C1orf198: variants seen among roughly 807,000 people sequenced by gnomAD.
The protein encoded by C1orf198 is uncharacterized protein C1orf198.
A neutral mutation model predicts 31.4 loss-of-function variants in C1orf198; 17 were observed. The ratio of observed to expected loss-of-function variants is 0.54; its 90% confidence interval spans 0.37 to 0.81. The LOEUF (loss-of-function observed/expected upper bound fraction) is 0.81, where lower values mean the gene tolerates loss of function less well. Ranked by LOEUF, C1orf198 falls within the 40% of genes least tolerant of loss-of-function variation. The pLI is 0.00. For synonymous variants in C1orf198, 175 were observed against 193.8 expected, an observed-to-expected ratio of 0.90 and a Z score of 0.81; for missense variants, 401 against 450.3, an observed-to-expected ratio of 0.89 and a Z score of 0.99.
Position 230,843,290 on chromosome 1 carries a change from C to T in C1orf198, c.927+64G>A. ...GTGGCCTGCCTGCTTTGTGGGGGAC[C>T]CTCTCGGTTCCCGTGGAATAAGGCA... On this transcript the variant is annotated intron_variant, in intron 3 of 3. Coordinates refer to ENST00000366663, the MANE Select transcript of C1orf198 (RefSeq NM_032800.3). This position sits in a 1 kb window ranked among gnomAD's most constrained non-coding sequence, Gnocchi z 4.9. 1 of 1,513,678 alleles carries T rather than the reference C, an allele frequency of 6.6e-7. No homozygotes were observed. Among genetic ancestry groups the T allele is most frequent in the Non-Finnish European group, 8.9e-7 (1 of 1,125,826 alleles). The allele number at this position is 1,513,678 out of a possible 1,614,324, so 93.8% of individuals were successfully genotyped here.
chr1:230,847,016 T>C (rs11804892), intron 2 of C1orf198, among the ~76,000 whole-genome samples: 10,016 of 143,682 alleles, frequency 0.07, 1,059 homozygotes, highest in African/African-American at 0.25. Flanking sequence ...GGCAGGAGAA[T>C]GGCGTGAACC....
chr1:230,842,384 T>C (rs1238257736), intron 3 of C1orf198, among the ~76,000 whole-genome samples: 1 of 152,196 alleles, frequency 6.6e-6, no homozygotes, highest in Non-Finnish European at 1.5e-5. Context: ...AACTGTGGTA[T>C]ATATATACGA....
chr1:230,851,954 C>G (rs932299943), intron 2 of C1orf198, among the ~76,000 whole-genome samples: 1 of 152,308 alleles, frequency 6.6e-6, no homozygotes, highest in Admixed American at 6.5e-5. Context: ...GGGTGAGAAA[C>G]CAAAAATCCC....
At chr1:230,845,538 C>A (rs1169052457) in intron 2 of C1orf198, among the ~76,000 whole-genome samples, 6 of 152,036 alleles carry the variant, frequency 3.9e-5, no homozygotes, top group Non-Finnish European at 8.8e-5. Flanking sequence ...CAAAATTAGC[C>A]AGGCGTGGTG....
chr1:230,837,399 A>G lies in C1orf198; in HGVS notation c.*2453T>C, dbSNP rs1030574812. The G allele has an allele frequency of 1.3e-5, 2 of 152,242 alleles. No individual in the cohort carries two copies. The highest frequency in any genetic ancestry group is 4.8e-5 in the African/African-American group (2 of 41,456). The allele number at this position is 152,242 out of a possible 1,614,324, so 9.4% of individuals were successfully genotyped here. ...GCTGATTTCTTGGGGGAACTTTTGT[A>G]AAAATGAAGACACTGAATCCTTGAG... On this transcript the variant is annotated 3_prime_UTR_variant, in exon 4 of 4. Coordinates refer to ENST00000366663, the MANE Select transcript of C1orf198 (RefSeq NM_032800.3).
chr1:230,851,264 G>A (rs1572132956), intron 2 of C1orf198, among the ~76,000 whole-genome samples: 1 of 152,138 alleles, frequency 6.6e-6, no homozygotes, highest in African/African-American at 2.4e-5. Flanking sequence ...AAGGAAGGGG[G>A]TAGCCAGAAA....
chr1:230,852,388 A>G (rs1202566), intron 2 of C1orf198, among the ~76,000 whole-genome samples: 104,183 of 151,990 alleles, frequency 0.69, 36,001 homozygotes, highest in South Asian at 0.79. Context: ...GGTGGCTGCC[A>G]TGGGCTAGTG....
intron 2 of C1orf198, among the ~76,000 whole-genome samples, chr1:230,844,828 A>G (rs769995415): frequency 4.6e-5 from 7 of 152,196 alleles, no homozygotes; most frequent in Non-Finnish European, 8.8e-5. Context: ...CTGAGCACCC[A>G]CAAAATGCTT....
rs1034916749 is a variant in C1orf198 at position 230,837,610 on chromosome 1, C to A, written c.*2242G>T. On this transcript the variant is annotated 3_prime_UTR_variant, in exon 4 of 4. Coordinates refer to ENST00000366663, the MANE Select transcript of C1orf198 (RefSeq NM_032800.3). Reference sequence around the variant, plus strand: ...AGAAACCATCTTCGCATAGACTTTGCCCAAGGTGTAGAGGAAGATCTGCCG... The same window carrying A: ...AGAAACCATCTTCGCATAGACTTTGACCAAGGTGTAGAGGAAGATCTGCCG... 6.6e-6 allele frequency: 1 copy of A among 152,282 alleles called. No individual in the cohort carries two copies. The highest frequency in any genetic ancestry group is 6.5e-5 in the Admixed American group (1 of 15,294). 9.4% of individuals were successfully genotyped at this position (152,282 alleles called of 1,614,324 possible). A position where few individuals can be genotyped will look rare whatever the true frequency, so the allele number is the denominator to read the frequency against.
chr1:230,860,091 T>C (rs1669974914), intron 1 of C1orf198, among the ~76,000 whole-genome samples: 1 of 152,170 alleles, frequency 6.6e-6, no homozygotes, highest in African/African-American at 2.4e-5. Context: ...AATATCTTGT[T>C]TAACTGCTGT....
intron 2 of C1orf198, among the ~76,000 whole-genome samples, chr1:230,846,679 T>C (rs530989279): frequency 1.3e-5 from 2 of 152,324 alleles, no homozygotes; most frequent in Non-Finnish European, 2.9e-5. Flanking sequence ...ATAAAACCCA[T>C]GGGCTGGACG....
At chr1:230,859,861 C>G (rs894628132) in intron 1 of C1orf198, among the ~76,000 whole-genome samples, 10 of 152,048 alleles carry the variant, frequency 6.6e-5, no homozygotes, top group African/African-American at 2.4e-4. Flanking sequence ...ATTTTTTGCT[C>G]ATAGTGCTGG....
In C1orf198 at chr1:230,839,510, A is replaced by C. The variant is rs1236502774; in HGVS notation, c.*342T>G. ...ATGGAGAAGGAGATGGAAATCACTT[A>C]TATGATTTTTGTGACATGGTTGAAA... On this transcript the variant is annotated 3_prime_UTR_variant, in exon 4 of 4. Coordinates refer to ENST00000366663, the MANE Select transcript of C1orf198 (RefSeq NM_032800.3). 4.1e-6 allele frequency: 1 copy of C among 243,940 alleles called. No individual in the cohort carries two copies. The highest frequency in any genetic ancestry group is 7.7e-6 in the Non-Finnish European group (1 of 129,688). 15.1% of individuals were successfully genotyped at this position (243,940 alleles called of 1,614,324 possible).
chr1:230,841,343 C>G (rs572273624), intron 3 of C1orf198, among the ~76,000 whole-genome samples: 58 of 152,248 alleles, frequency 3.8e-4, no homozygotes, highest in Non-Finnish European at 6.6e-4. Context: ...CCTCCCTCCT[C>G]GGGAGGACAG....
rs186278900 is a variant in C1orf198 at position 230,852,615 on chromosome 1, C to A, written c.384+3053G>T. On this transcript the variant is annotated intron_variant, in intron 2 of 3. Transcript: ENST00000366663. ...GAGATGGATGATGGTGATGTTTACA[C>A]AAAAATGTGAATGTACTGAATGCCA... is the stretch of plus-strand genomic sequence containing the variant. Among the ~76,000 whole-genome samples the A allele has an allele frequency of 2.0e-5, 3 of 152,070 alleles. No individual in the cohort carries two copies. The East Asian group carries it at 5.8e-4, about 29-fold the overall frequency.
chr1:230,844,431 T>C (rs912303663), intron 2 of C1orf198, among the ~76,000 whole-genome samples: 19 of 152,120 alleles, frequency 1.2e-4, no homozygotes, highest in Non-Finnish European at 4.4e-5. Flanking sequence ...CAGATGCCGA[T>C]GCCATGTTTC....
At position 230,856,032 on chromosome 1, in the gene C1orf198, A is replaced by G. The variant is rs1669861847; in HGVS notation, c.334-314T>C. On this transcript the variant is annotated intron_variant, in intron 1 of 3. Transcript: ENST00000366663. ...TGGATGAGGGCTTGATGGTCTCAGC[A>G]GAATCAGGCACAGACTCAGCCCTGA... 3 of 1,108,054 alleles carry G rather than the reference A, an allele frequency of 2.7e-6. No individual in the cohort carries two copies. The African/African-American group carries it at 4.8e-5, about 18-fold the overall frequency. 68.6% of individuals were successfully genotyped at this position (1,108,054 alleles called of 1,614,324 possible). A position where few individuals can be genotyped will look rare whatever the true frequency, so the allele number is the denominator to read the frequency against.
At chr1:230,867,585 G>A (rs1670149506) in intron 1 of C1orf198, among the ~76,000 whole-genome samples, 1 of 152,182 alleles carries the variant, frequency 6.6e-6, no homozygotes, top group South Asian at 2.1e-4. Context: ...AAACATCTTA[G>A]GGTGATGGAT....
At chr1:230,847,469 T>C (rs1669625538) in intron 2 of C1orf198, among the ~76,000 whole-genome samples, 1 of 152,004 alleles carries the variant, frequency 6.6e-6, no homozygotes, top group African/African-American at 2.4e-5. Context: ...ACTAGCCCAT[T>C]AGGAGATTGT....
Sources: gnomAD v4.1 joint callset for allele counts (sites outside exome capture counted in the v4.1 genomes callset) on GRCh38, gnomAD v4.1.1 for gene constraint, Gnocchi (gnomAD v3.1) non-coding constraint, MANE v1.5 for transcripts, NCBI Gene and HGNC (gene_info 2026-07-23, HGNC 2026-07-21) for gene names.